Variants in RUFY2 observed in about 807,000 individuals in gnomAD.
RUFY2 encodes RUN and FYVE domain containing 2, also known as RUN and FYVE domain-containing protein 2.
Under a neutral mutation model 94.4 loss-of-function variants are expected in RUFY2, and 49 were observed. That is an observed-to-expected ratio of 0.52 (90% confidence interval 0.41 to 0.66). The LOEUF (loss-of-function observed/expected upper bound fraction) is 0.66. Among genes scored for constraint, RUFY2 ranks in the 30% least tolerant of loss-of-function variants. The probability of loss-of-function intolerance (pLI) is 0.00; values close to 1 mark genes in which losing one functional copy is unlikely to be tolerated. For synonymous variants in RUFY2, 255 were observed against 235.7 expected, an observed-to-expected ratio of 1.08 and a Z score of -0.75; for missense variants, 541 against 692.8, an observed-to-expected ratio of 0.78 and a Z score of 2.46.
intron 1 of RUFY2, chr10:68,406,686 T>A (rs1387345960): frequency 3.6e-6 from 5 of 1,397,048 alleles, no homozygotes; most frequent in Non-Finnish European, 4.8e-6. Flanking sequence ...CCTCTCTTCC[T>A]GCCCCCTCCC....
chr10:68,401,387 A>G (rs1175057009), intron 3 of RUFY2, among the ~76,000 whole-genome samples: 2 of 152,220 alleles, frequency 1.3e-5, no homozygotes, highest in Admixed American at 6.5e-5. Flanking sequence ...ATTTCCTACA[A>G]TACAAGGCAG....
At chr10:68,400,724 G>C (rs2050765609) in intron 3 of RUFY2, among the ~76,000 whole-genome samples, 1 of 132,054 alleles carries the variant, frequency 7.6e-6, no homozygotes, top group African/African-American at 2.8e-5. Flanking sequence ...AAAAAAAAAA[G>C]AATATAGGCT....
intron 16 of RUFY2, among the ~76,000 whole-genome samples, chr10:68,351,122 ATTTTTTTTT>A (rs71009048): frequency 2.7e-4 from 21 of 79,000 alleles, no homozygotes; most frequent in Admixed American, 4.4e-4. Flanking sequence ...GTATCCATAC[ATTTTTTTTT>A]TTTTTTTTTT....
intron 1 of RUFY2, chr10:68,405,623 A>T: frequency 1.4e-5 from 12 of 832,602 alleles, no homozygotes; most frequent in Non-Finnish European, 1.7e-5. Context: ...TTAAAATTCT[A>T]GGATTCCAGT....
In RUFY2 at chr10:68,394,125, A is replaced by C. The variant is rs1247100285; in HGVS notation, c.534T>G (p.Ile178Met). ...CATTCTTTAAATACATAGAAAAATC[A>C]ATCACTCCAACCTGAAGTAAATAAA... ...GEDLDSQVGVIDFSMYLKNEE... is the reference protein window; with the variant it reads ...GEDLDSQVGVMDFSMYLKNEE... The change falls in exon 6 of 18, where the codon ATT becomes ATG. Residue 178 changes from isoleucine to methionine, a missense_variant. Around this residue, in one of 3 missense-constraint regions of RUFY2, gnomAD observed 403 missense variants for 480.7 expected, o/e 0.84. Coordinates refer to ENST00000602465, the MANE Select transcript of RUFY2 (RefSeq NM_001330103.2). The C allele has an allele frequency of 2.2e-5, 33 of 1,501,076 alleles. No homozygotes were observed. Among genetic ancestry groups the C allele is most frequent in the Non-Finnish European group, 2.9e-5 (33 of 1,118,808 alleles). 93.0% of individuals were successfully genotyped at this position (1,501,076 alleles called of 1,614,324 possible).
chr10:68,355,604 C>T, intron 15 of RUFY2: 1 of 423,420 alleles, frequency 2.4e-6, no homozygotes, highest in South Asian at 3.0e-5. Context: ...AGATTTAAAA[C>T]TTGCTTTTTA....
intron 8 of RUFY2, among the ~76,000 whole-genome samples, chr10:68,385,121 G>A (rs190169252): frequency 2.5e-4 from 38 of 152,068 alleles, no homozygotes; most frequent in African/African-American, 5.1e-4. Flanking sequence ...AAAATTAGCC[G>A]GGCGTGGTGG....
chr10:68,376,434 A>C (rs2048642837), intron 13 of RUFY2, among the ~76,000 whole-genome samples: 1 of 91,320 alleles, frequency 1.1e-5, no homozygotes, highest in Non-Finnish European at 2.1e-5. Context: ...CATCTCAAAA[A>C]AATGTGTGTA....
At chr10:68,348,626 A>G (rs1450988811) in intron 16 of RUFY2, among the ~76,000 whole-genome samples, 1 of 152,138 alleles carries the variant, frequency 6.6e-6, no homozygotes, top group Non-Finnish European at 1.5e-5. Context: ...ACAGCCACCT[A>G]GTGGAAGCAG....
chr10:68,341,458 C>G (rs964102916), downstream of RUFY2: 8 of 993,178 alleles, frequency 8.1e-6, no homozygotes, highest in African/African-American at 9.9e-5. Context: ...TTATATATCG[C>G]TGTACTAGTA....
At chr10:68,388,634 G>A (rs1440353470) in intron 7 of RUFY2, among the ~76,000 whole-genome samples, 5 of 151,628 alleles carry the variant, frequency 3.3e-5, no homozygotes. Flanking sequence ...TCAGAAGTTT[G>A]AACCAGCCTG....
intron 13 of RUFY2, among the ~76,000 whole-genome samples, chr10:68,366,836 A>AT (rs1430308419): frequency 7.1e-6 from 1 of 140,540 alleles, no homozygotes; most frequent in Non-Finnish European, 1.5e-5. Flanking sequence ...ATATTATAAT[A>AT]ATATATAATA....
intron 7 of RUFY2, among the ~76,000 whole-genome samples, chr10:68,392,204 G>GT (rs1207885299): frequency 4.0e-5 from 6 of 151,224 alleles, no homozygotes; most frequent in South Asian, 4.2e-4. Context: ...GCTAATTTTT[G>GT]TTTTTTTTAG....
chr10:68,360,253 C>T (rs1339741671), intron 15 of RUFY2, among the ~76,000 whole-genome samples: 1 of 151,502 alleles, frequency 6.6e-6, no homozygotes, highest in Non-Finnish European at 1.5e-5. Context: ...GCCTGGGCAA[C>T]ATAGTGAGAC....
At chr10:68,359,102 G>A (rs1435995140) in intron 15 of RUFY2, among the ~76,000 whole-genome samples, 1 of 151,968 alleles carries the variant, frequency 6.6e-6, no homozygotes, top group Non-Finnish European at 1.5e-5. Context: ...TTCTCAGCCA[G>A]GCACAGTGGC....
Position 68,363,678 on chromosome 10 carries a change from G to A in RUFY2, c.1462C>T (p.Leu488Phe). The A allele has an allele frequency of 6.3e-7, 1 of 1,584,786 alleles. No individual in the cohort carries two copies. The highest frequency in any genetic ancestry group is 1.8e-5 in the Admixed American group (1 of 56,324). ...TGCTGATTTTCATCCTGGAGGTTAAGGAACTCCTTCAGAACAATAAAAGAC... is the reference window on the plus strand; with the variant it reads ...TGCTGATTTTCATCCTGGAGGTTAAAGAACTCCTTCAGAACAATAAAAGAC... ...QQIISLKKEF[L>F]NLQDENQQLK... The change falls in exon 15 of 18, where the codon CTT becomes TTT. Residue 488 changes from leucine (L) to phenylalanine (F), a missense_variant. Around this residue, in one of 3 missense-constraint regions of RUFY2, gnomAD observed 403 missense variants for 480.7 expected, o/e 0.84. Transcript: ENST00000602465.
chr10:68,368,446 G>A (rs944852687), intron 13 of RUFY2, among the ~76,000 whole-genome samples: 6 of 150,580 alleles, frequency 4.0e-5, no homozygotes, highest in African/African-American at 1.2e-4. Context: ...GGTCACCTGA[G>A]GTCGGGAGTT....
At position 68,345,824 on chromosome 10, in the gene RUFY2, C is replaced by G; in HGVS notation, c.1765G>C (p.Val589Leu). 6.2e-7 allele frequency: 1 copy of G among 1,613,956 alleles called. No homozygotes were observed. Among genetic ancestry groups the G allele is most frequent in the Non-Finnish European group, 8.5e-7 (1 of 1,179,860 alleles). The change falls in exon 18 of 18, where the codon GTT (valine) becomes CTT (leucine). Residue 589 changes from valine (V) to leucine (L), a missense_variant. Val to Leu is a conservative substitution (Grantham distance 32). Around this residue, in one of 3 missense-constraint regions of RUFY2, gnomAD observed 403 missense variants for 480.7 expected, o/e 0.84. Coordinates refer to ENST00000602465, the MANE Select transcript of RUFY2 (RefSeq NM_001330103.2). ...PLPSSPKPVR[V>L]CDSCHALLIQ... ...AGCAGTGCATGACAGGAATCACAAA[C>G]CCGTACTGGTTTTGGTGAAGAAGGC...
At chr10:68,388,601 C>A (rs1453842665) in intron 7 of RUFY2, among the ~76,000 whole-genome samples, 1 of 151,958 alleles carries the variant, frequency 6.6e-6, no homozygotes, top group Admixed American at 6.6e-5. Flanking sequence ...CTTTAGGAGG[C>A]CACAGTGGGT....
Sources: allele counts gnomAD v4.1 joint callset (sites outside exome capture counted in the v4.1 genomes callset), GRCh38; gene constraint gnomAD v4.1.1; regional missense constraint gnomAD v4.1.1; transcripts MANE v1.5; gene names NCBI Gene and HGNC (gene_info 2026-07-23, HGNC 2026-07-21).